Variants in CGN observed in about 807,000 individuals in gnomAD.
CGN encodes the protein cingulin.
In CGN, 121 loss-of-function variants were observed where a neutral mutation model predicts 157.1. The observed-to-expected ratio is 0.77, with a 90% CI of 0.66 to 0.90. CGN has a LOEUF of 0.90. Ranked by LOEUF, CGN falls within the 40% of genes least tolerant of loss-of-function variation. The pLI is 0.00. For synonymous variants in CGN, 535 were observed against 607.5 expected, an observed-to-expected ratio of 0.88 and a Z score of 1.76; for missense variants, 1,424 against 1,520.9, an observed-to-expected ratio of 0.94 and a Z score of 1.06.
intron 5 of CGN, 94 bp downstream of exon 5, chr1:151,520,785 A>G: frequency 1.1e-6 from 1 of 946,452 alleles, no homozygotes; most frequent in Admixed American, 2.1e-5. Context: ...TAAGCAATGG[A>G]ACAAGCATGT....
In CGN at chr1:151,532,612, CTTTTTTTTTT is replaced by C. The variant is rs34388063; in HGVS notation, c.2742+52_2742+61del. ...TCCTTGGGTTTGAAGGTCCTTGCCT[CTTTTTTTTTT>C]TTTTTTTTTTTGTCCGAGACAGAGT... is the stretch of plus-strand genomic sequence containing the variant. On this transcript the variant is annotated intron_variant, in intron 14 of 20. Coordinates refer to ENST00000271636, the MANE Select transcript of CGN (RefSeq NM_020770.3). The C allele has an allele frequency of 3.1e-3, 1,685 of 537,296 alleles. 5 individuals carry two copies. The highest frequency in any genetic ancestry group is 3.9e-3 in the Non-Finnish European group (1,567 of 403,722). 33.3% of individuals were successfully genotyped at this position (537,296 alleles called of 1,614,324 possible). A position where few individuals can be genotyped will look rare whatever the true frequency, so the allele number is the denominator to read the frequency against.
Position 151,520,225 on chromosome 1 carries a change from G to A in CGN, c.933G>A (p.Val311=), listed in dbSNP as rs1330863147. 1 of 1,613,612 alleles carries A rather than the reference G, an allele frequency of 6.2e-7. No homozygotes were observed. The change falls in exon 3 of 21, where the codon GTG becomes GTA. Residue 311 remains valine, a synonymous_variant. Coordinates refer to ENST00000271636, the MANE Select transcript of CGN (RefSeq NM_020770.3). ...AGGAGGCAGCCCCACCAGGCAGTGTGGACCATATGAAGGCCACCATCTATG... is the reference window on the plus strand; with the variant it reads ...AGGAGGCAGCCCCACCAGGCAGTGTAGACCATATGAAGGCCACCATCTATG... The part of the protein sequence containing the change: ...DQQEAAPPGS[V]DHMKATIYGI...
chr1:151,524,676 C>T lies in CGN; in HGVS notation c.1404C>T (p.Asp468=). The change falls in exon 8 of 21, where the codon GAC becomes GAT. Residue 468 remains aspartate, a splice_region_variant and synonymous_variant. Coordinates refer to ENST00000271636, the MANE Select transcript of CGN (RefSeq NM_020770.3). The surrounding 1 kb of genome is among the most constrained non-coding windows in gnomAD (Gnocchi z 4.4). ...ACTTCTTCCTTTATTTTCTCCAGGACCTGTTAGAGACCCGGGAACTTCTGG... is the reference window on the plus strand; with the variant it reads ...ACTTCTTCCTTTATTTTCTCCAGGATCTGTTAGAGACCCGGGAACTTCTGG... ...PEPAKEVLLK[D]LLETRELLEE... 3 of 1,605,036 alleles carry T rather than the reference C, an allele frequency of 1.9e-6. No homozygotes were observed. In the East Asian group the frequency reaches 6.7e-5, roughly 36 times the overall value.
intron 1 of CGN, among the ~76,000 whole-genome samples, chr1:151,514,506 C>T (rs892306837): frequency 6.6e-6 from 1 of 152,082 alleles, no homozygotes; most frequent in African/African-American, 2.4e-5. Context: ...TTGTCCTGGG[C>T]AAATCTCCCC....
chr1:151,512,454 G>T (rs1664322300), intron 1 of CGN, among the ~76,000 whole-genome samples: 1 of 152,144 alleles, frequency 6.6e-6, no homozygotes, highest in Admixed American at 6.5e-5. Context: ...AGGCATCCCT[G>T]ACTCCTGAAC....
At chr1:151,528,279 A>G (rs12405534) in intron 10 of CGN, among the ~76,000 whole-genome samples, 21,838 of 150,614 alleles carry the variant, frequency 0.14, 2,192 homozygotes, top group East Asian at 0.33. Flanking sequence ...GAGCCACCGC[A>G]CCCAGCCTCA....
rs748587096 is a variant in CGN, at chr1:151,534,002, G to T, written c.2770G>T (p.Ala924Ser). The T allele has an allele frequency of 9.9e-6, 16 of 1,611,500 alleles. No homozygotes were observed. The highest frequency in any genetic ancestry group is 1.8e-4 in the Middle Eastern group (1 of 5,584). ...CCAGAGGCTGCGGCAGGCCCTGCAG[G>T]CATCCCAGGCTGAGCGGGACACAGC... is the stretch of plus-strand genomic sequence containing the variant. Reference protein sequence around the residue: ...EIQRLRQALQASQAERDTARL... With the variant: ...EIQRLRQALQSSQAERDTARL... The change falls in exon 15 of 21, where the codon GCA (alanine) becomes TCA (serine). Residue 924 changes from alanine to serine, a missense_variant. Coordinates refer to ENST00000271636, the MANE Select transcript of CGN (RefSeq NM_020770.3).
Position 151,536,743 on chromosome 1 carries a change from T to G in CGN, c.3320T>G (p.Val1107Gly). 1 of 1,613,994 alleles carries G rather than the reference T, an allele frequency of 6.2e-7. No homozygotes were observed. The highest frequency in any genetic ancestry group is 8.5e-7 in the Non-Finnish European group (1 of 1,179,976). ...NDQKDQLSLR[V>G]KALKRQVDEA... ...TATCCTGCCCAGCTAAGCCTGAGGG[T>G]GAAGGCTTTGAAGCGTCAGGTGGAT... is the stretch of plus-strand genomic sequence containing the variant. The change falls in exon 20 of 21, where the codon GTG becomes GGG. Residue 1107 changes from valine to glycine, a missense_variant. Val to Gly is a moderately radical substitution (Grantham distance 109). Coordinates refer to ENST00000271636, the MANE Select transcript of CGN (RefSeq NM_020770.3).
intron 1 of CGN, among the ~76,000 whole-genome samples, chr1:151,516,614 G>T (rs997110566): frequency 6.7e-6 from 1 of 150,266 alleles, no homozygotes; most frequent in Admixed American, 6.6e-5. Flanking sequence ...GTGATCTTGG[G>T]TCACTGTAAC....
intron 9 of CGN, among the ~76,000 whole-genome samples, chr1:151,526,186 T>C (rs2102495227): frequency 6.6e-6 from 1 of 151,056 alleles, no homozygotes; most frequent in South Asian, 2.1e-4. Context: ...TTCTCCTTTT[T>C]TTTTTTTTTT....
intron 5 of CGN, among the ~76,000 whole-genome samples, chr1:151,522,871 G>A (rs761502572): frequency 6.6e-6 from 1 of 151,096 alleles, no homozygotes; most frequent in Non-Finnish European, 1.5e-5. Context: ...CTGAGATCTC[G>A]CCATTGCACT....
At chr1:151,527,818 C>CAA (rs956897965) in intron 10 of CGN, 2 of 220,990 alleles carry the variant, frequency 9.1e-6, no homozygotes, top group African/African-American at 4.8e-5. Flanking sequence ...TACACACACA[C>CAA]ACACACACAC....
chr1:151,524,456 G>A lies in CGN; in HGVS notation c.1401+98G>A. ...GGTTTCCCCAAAGTATGAGGAGTGG[G>A]TGGCTGATTACAGGTACTCAGTGTG... On this transcript the variant is annotated intron_variant, in intron 7 of 20. Transcript: ENST00000271636. This position sits in a 1 kb window ranked among gnomAD's most constrained non-coding sequence, Gnocchi z 4.4. The A allele has an allele frequency of 6.5e-7, 1 of 1,547,118 alleles. No homozygotes were observed. Among genetic ancestry groups the A allele is most frequent in the Non-Finnish European group, 8.8e-7 (1 of 1,137,408 alleles).
In CGN at chr1:151,537,326, C is replaced by T; in HGVS notation, c.3592C>T (p.Leu1198=). The T allele has an allele frequency of 6.2e-7, 1 of 1,613,822 alleles. No homozygotes were observed. The highest frequency in any genetic ancestry group is 8.5e-7 in the Non-Finnish European group (1 of 1,179,902). Residue 1198 remains leucine, a synonymous_variant, in exon 21 of 21, where the codon CTA becomes TTA. Coordinates refer to ENST00000271636, the MANE Select transcript of CGN (RefSeq NM_020770.3). Reference sequence around the variant, plus strand: ...TGCATCACTGCTTACGGAGAGCAACCTACAGACCAGCTCCTGTTAGCTCGT... The same window carrying T: ...TGCATCACTGCTTACGGAGAGCAACTTACAGACCAGCTCCTGTTAGCTCGT... ...SIASLLTESN[L]QTSSC
intron 6 of CGN, 97 bp downstream of exon 6, chr1:151,523,658 G>A: frequency 8.0e-7 from 1 of 1,257,222 alleles, no homozygotes; most frequent in Non-Finnish European, 1.1e-6. Flanking sequence ...GGAGACAGAA[G>A]GAAATCTCCA....
At chr1:151,514,417 C>G (rs1300120454) in intron 1 of CGN, among the ~76,000 whole-genome samples, 1 of 152,160 alleles carries the variant, frequency 6.6e-6, no homozygotes, top group Non-Finnish European at 1.5e-5. Flanking sequence ...GTTCTAAGAT[C>G]ATGACTACAT....
chr1:151,515,859 T>C (rs1664398451), intron 1 of CGN, among the ~76,000 whole-genome samples: 1 of 152,174 alleles, frequency 6.6e-6, no homozygotes, highest in South Asian at 2.1e-4. Context: ...GCCCAGTGCA[T>C]TTTCTTCTAC....
At chr1:151,513,784 G>A (rs1281320958) in intron 1 of CGN, among the ~76,000 whole-genome samples, 1 of 152,206 alleles carries the variant, frequency 6.6e-6, no homozygotes. Context: ...GTCTGGTACA[G>A]GTGTAGAGTG....
rs749801628 is a variant in CGN at position 151,537,274 on chromosome 1, C to T, written c.3540C>T (p.Phe1180=). The T allele has an allele frequency of 4.4e-5, 71 of 1,613,748 alleles. No homozygotes were observed. The South Asian group carries it at 4.8e-4, about 11-fold the overall frequency. ...KNEGLSSDEE[F]DSVYDPSSIA... Reference sequence around the variant, plus strand: ...AAGGGCTGAGCTCAGATGAGGAATTCGACAGTGTCTACGATCCCTCGTCCA... The same window carrying T: ...AAGGGCTGAGCTCAGATGAGGAATTTGACAGTGTCTACGATCCCTCGTCCA... The change falls in exon 21 of 21, where the codon TTC becomes TTT. Residue 1180 remains phenylalanine, a synonymous_variant. Coordinates refer to ENST00000271636, the MANE Select transcript of CGN (RefSeq NM_020770.3).
Sources: allele counts gnomAD v4.1 joint callset (sites outside exome capture counted in the v4.1 genomes callset), GRCh38; gene constraint gnomAD v4.1.1; non-coding constraint Gnocchi (gnomAD v3.1); transcripts MANE v1.5; gene names NCBI Gene and HGNC (gene_info 2026-07-23, HGNC 2026-07-21).